The following RIT2 variants were observed in gnomAD, a reference collection of about 807,000 sequenced individuals.
RIT2 encodes the protein GTP-binding protein Rit2.
Under a neutral mutation model 23.7 loss-of-function variants are expected in RIT2, and 24 were observed. The ratio of observed to expected loss-of-function variants is 1.01; its 90% confidence interval spans 0.73 to 1.43. RIT2 has a LOEUF of 1.43. Among genes scored for constraint, RIT2 ranks in the 40% most tolerant of loss-of-function variants. The probability of loss-of-function intolerance (pLI) is 0.00; values close to 1 mark genes in which losing one functional copy is unlikely to be tolerated. For missense variants in RIT2, 236 were observed against 266.9 expected (o/e 0.88, Z 0.81); for synonymous variants, 107 against 91.1 (o/e 1.17, Z -0.99).
At chr18:43,017,762 C>T (rs976041627) in intron 2 of RIT2, among the ~76,000 whole-genome samples, 2 of 151,928 alleles carry the variant, frequency 1.3e-5, no homozygotes, top group African/African-American at 4.8e-5. Context: ...AAATAGAGTT[C>T]AGTAAATCAT....
chr18:43,049,137 C>T (rs2144306566), intron 1 of RIT2, among the ~76,000 whole-genome samples: 1 of 152,256 alleles, frequency 6.6e-6, no homozygotes, highest in Non-Finnish European at 1.5e-5. Flanking sequence ...GGAGAGAAAA[C>T]TGGCAAACCA....
chr18:43,047,216 T>C (rs1347473826), intron 1 of RIT2, among the ~76,000 whole-genome samples: 1 of 152,080 alleles, frequency 6.6e-6, no homozygotes, highest in Non-Finnish European at 1.5e-5. Flanking sequence ...CTTATATCTC[T>C]CCCTTTTTTC....
At chr18:43,079,511 T>C (rs570348540) in intron 1 of RIT2, among the ~76,000 whole-genome samples, 6 of 152,298 alleles carry the variant, frequency 3.9e-5, no homozygotes, top group East Asian at 1.9e-4. Flanking sequence ...ATTTTTCCTA[T>C]AGGACTAGTG....
chr18:43,008,598 A>T (rs1287027005), intron 2 of RIT2, among the ~76,000 whole-genome samples: 1 of 151,474 alleles, frequency 6.6e-6, no homozygotes, highest in African/African-American at 2.4e-5. Flanking sequence ...GTAAAAAAAA[A>T]ATAAAAGAGC....
chr18:43,112,698 G>A (rs1365819295), intron 1 of RIT2, among the ~76,000 whole-genome samples: 2 of 152,132 alleles, frequency 1.3e-5, no homozygotes, highest in East Asian at 3.8e-4. Flanking sequence ...GAGGCCAGAA[G>A]TTTGAGACCA....
chr18:42,857,405 G>A (rs934073685), intron 4 of RIT2, among the ~76,000 whole-genome samples: 1 of 152,132 alleles, frequency 6.6e-6, no homozygotes, highest in African/African-American at 2.4e-5. Flanking sequence ...ACAGCATTGA[G>A]TTATTTGTTG....
intron 2 of RIT2, among the ~76,000 whole-genome samples, chr18:43,026,659 G>A (rs1464223630): frequency 6.7e-6 from 1 of 148,896 alleles, no homozygotes; most frequent in Non-Finnish European, 1.5e-5. Context: ...AAAGGCTGTA[G>A]ATGAAAAAGT....
At chr18:43,055,291 G>T (rs1414105477) in intron 1 of RIT2, among the ~76,000 whole-genome samples, 1 of 152,006 alleles carries the variant, frequency 6.6e-6, no homozygotes, top group Admixed American at 6.6e-5. Context: ...CTCCCCATGG[G>T]GTCTCCTCCA....
chr18:42,936,953 A>G (rs573077521), intron 3 of RIT2, among the ~76,000 whole-genome samples: 1 of 151,862 alleles, frequency 6.6e-6, no homozygotes, highest in Non-Finnish European at 1.5e-5. Flanking sequence ...CAGAGCTTGC[A>G]GTGAGCCGAG....
intron 2 of RIT2, among the ~76,000 whole-genome samples, chr18:42,986,871 A>C (rs1297804764): frequency 1.3e-5 from 2 of 152,194 alleles, no homozygotes; most frequent in Non-Finnish European, 2.9e-5. Flanking sequence ...AAGCTGTATA[A>C]CTTTATTAAC....
At chr18:43,101,204 T>C (rs1913676258) in intron 1 of RIT2, among the ~76,000 whole-genome samples, 1 of 152,066 alleles carries the variant, frequency 6.6e-6, no homozygotes, top group South Asian at 2.1e-4. Context: ...TTCTGTTGAG[T>C]ATATATAGCT....
chr18:43,043,974 G>T (rs2144297769), intron 1 of RIT2, among the ~76,000 whole-genome samples: 1 of 152,218 alleles, frequency 6.6e-6, no homozygotes, highest in South Asian at 2.1e-4. Context: ...TCTTTCCCAA[G>T]GAAGACATGC....
intron 1 of RIT2, among the ~76,000 whole-genome samples, chr18:43,087,916 A>G (rs1913324200): frequency 6.6e-6 from 1 of 152,140 alleles, no homozygotes; most frequent in Non-Finnish European, 1.5e-5. Context: ...GCCTCTAGTT[A>G]CACATAATTT....
At chr18:42,950,321 G>A (rs1909820483) in intron 3 of RIT2, among the ~76,000 whole-genome samples, 1 of 152,170 alleles carries the variant, frequency 6.6e-6, no homozygotes, top group Admixed American at 6.6e-5. Context: ...AATAAATGGT[G>A]CTGAGAGAGC....
chr18:42,904,480 T>C (rs910832307), intron 4 of RIT2, among the ~76,000 whole-genome samples: 1 of 152,114 alleles, frequency 6.6e-6, no homozygotes, highest in Non-Finnish European at 1.5e-5. Context: ...CAGTGATCAC[T>C]TGGGCAAGAG....
At chr18:42,834,354 A>G (rs1242299633) in intron 4 of RIT2, among the ~76,000 whole-genome samples, 1 of 152,198 alleles carries the variant, frequency 6.6e-6, no homozygotes, top group East Asian at 1.9e-4. Context: ...ATAAACTCCA[A>G]GAGACTTTAT....
At chr18:42,899,325 A>G (rs1017586210) in intron 4 of RIT2, among the ~76,000 whole-genome samples, 1 of 150,782 alleles carries the variant, frequency 6.6e-6, no homozygotes, top group African/African-American at 2.4e-5. Context: ...AAGGAACAGG[A>G]CACTTCAAAA....
chr18:42,994,703 C>G (rs1277234449), intron 2 of RIT2, among the ~76,000 whole-genome samples: 1 of 152,132 alleles, frequency 6.6e-6, no homozygotes, highest in Non-Finnish European at 1.5e-5. Flanking sequence ...ACAACTTGAC[C>G]TTACTGTTTT....
At chr18:43,034,741 C>T (rs116683203) in intron 1 of RIT2, among the ~76,000 whole-genome samples, 1 of 152,168 alleles carries the variant, frequency 6.6e-6, no homozygotes, top group Non-Finnish European at 1.5e-5. Flanking sequence ...ATATATCCCA[C>T]TTGTCAAATC....
Sources: allele counts gnomAD v4.1 joint callset (sites outside exome capture counted in the v4.1 genomes callset), GRCh38; gene constraint gnomAD v4.1.1; transcripts MANE v1.5; gene names NCBI Gene and HGNC (gene_info 2026-07-23, HGNC 2026-07-21).